VPS50: variants seen among roughly 807,000 people sequenced by gnomAD.
VPS50 encodes the protein VPS50 subunit of EARP/GARPII complex.
A neutral mutation model predicts 139.7 loss-of-function variants in VPS50; 70 were observed. The ratio of observed to expected loss-of-function variants is 0.50; its 90% CI spans 0.41 to 0.61. The LOEUF (loss-of-function observed/expected upper bound fraction) is 0.61, where lower values mean the gene tolerates loss of function less well. VPS50 is among the 20% of genes least tolerant of loss of function. The pLI is 0.00. For synonymous variants in VPS50, 365 were observed against 376.7 expected, an observed-to-expected ratio of 0.97 and a Z score of 0.36; for missense variants, 921 against 1,133.7, an observed-to-expected ratio of 0.81 and a Z score of 2.69.
chr7:93,326,049 A>G (rs895792240), intron 21 of VPS50, among the ~76,000 whole-genome samples: 4 of 152,180 alleles, frequency 2.6e-5, no homozygotes, highest in Non-Finnish European at 4.4e-5. Context: ...AACCAAGCCA[A>G]ATGTCCAACA....
chr7:93,350,217 G>A (rs1004392611), intron 25 of VPS50, among the ~76,000 whole-genome samples, 184 bp downstream of exon 25: 7 of 152,092 alleles, frequency 4.6e-5, no homozygotes, highest in Non-Finnish European at 8.8e-5. Flanking sequence ...CTAAGAATAC[G>A]TCGTAGATTT....
chr7:93,271,422 A>G (rs1323638671), intron 10 of VPS50, among the ~76,000 whole-genome samples, 160 bp downstream of exon 10: 2 of 151,810 alleles, frequency 1.3e-5, no homozygotes, highest in Non-Finnish European at 3.0e-5. Context: ...TGGTCAAGTT[A>G]GTGTAAAAAT....
chr7:93,271,674 T>G (rs138396452), intron 10 of VPS50, among the ~76,000 whole-genome samples: 2 of 151,882 alleles, frequency 1.3e-5, no homozygotes, highest in African/African-American at 4.8e-5. Flanking sequence ...CTCATAATGA[T>G]ACTCACATAG....
At chr7:93,344,438 C>G (rs1390111912) in intron 23 of VPS50, among the ~76,000 whole-genome samples, 3 of 152,152 alleles carry the variant, frequency 2.0e-5, no homozygotes, top group African/African-American at 7.2e-5. Context: ...AGAAAGTTAA[C>G]AAGGATACCC....
intron 9 of VPS50, among the ~76,000 whole-genome samples, chr7:93,265,445 C>T (rs2116862932): frequency 6.6e-6 from 1 of 152,296 alleles, no homozygotes. Context: ...AGACTGCCAG[C>T]TGGATTTGGC....
At chr7:93,297,308 T>G in intron 16 of VPS50, 65 bp downstream of exon 16, 2 of 1,366,320 alleles carry the variant, frequency 1.5e-6, no homozygotes, top group Non-Finnish European at 1.9e-6. Flanking sequence ...GTCTAATACT[T>G]AATCTTATAG....
intron 2 of VPS50, among the ~76,000 whole-genome samples, chr7:93,243,977 A>G (rs1795073421): frequency 6.6e-6 from 1 of 151,738 alleles, no homozygotes; most frequent in South Asian, 2.1e-4. Flanking sequence ...AGTATTCTTT[A>G]ATGATAAGGG....
At chr7:93,324,993 T>C (rs1266050385) in intron 21 of VPS50, among the ~76,000 whole-genome samples, 7 of 151,954 alleles carry the variant, frequency 4.6e-5, no homozygotes, top group Non-Finnish European at 7.4e-5. Flanking sequence ...GCCAAGTCAA[T>C]CCTAAGCCAA....
Position 93,265,714 on chromosome 7 carries a change from G to A in VPS50, c.660-5506G>A, listed in dbSNP as rs1361493906. On this transcript the variant is annotated intron_variant, in intron 9 of 27. Transcript: ENST00000305866. ...TGAGTAGCTGGGACTACAGGCACAC[G>A]CCACTACACCCGGCTATTTTTTAAA... Among the ~76,000 whole-genome samples the A allele has an allele frequency of 3.3e-5, 5 of 151,978 alleles. No homozygotes were observed. The East Asian group carries it at 7.7e-4, about 23-fold the overall frequency.
chr7:93,326,008 T>G (rs2117027416), intron 21 of VPS50, among the ~76,000 whole-genome samples: 1 of 152,052 alleles, frequency 6.6e-6, no homozygotes, highest in Admixed American at 6.6e-5. Flanking sequence ...GTATGTTTAT[T>G]GTGGCACTAT....
chr7:93,352,450 AGAG>A (rs1377806155), intron 25 of VPS50, among the ~76,000 whole-genome samples: 1 of 152,240 alleles, frequency 6.6e-6, no homozygotes, highest in Non-Finnish European at 1.5e-5. Context: ...GCAAAAGAGC[AGAG>A]GATAACACAG....
At chr7:93,258,881 G>A (rs973032057) in intron 8 of VPS50, among the ~76,000 whole-genome samples, 2 of 151,858 alleles carry the variant, frequency 1.3e-5, no homozygotes, top group Non-Finnish European at 2.9e-5. Flanking sequence ...AGCTCCTTGG[G>A]GTAGGTACTT....
intron 18 of VPS50, among the ~76,000 whole-genome samples, chr7:93,307,506 A>G (rs1014215962): frequency 6.6e-6 from 1 of 151,552 alleles, no homozygotes; most frequent in African/African-American, 2.4e-5. Flanking sequence ...TCAGCTGGGA[A>G]CATGCATGTT....
chr7:93,250,574 C>T (rs1184948193), intron 2 of VPS50, among the ~76,000 whole-genome samples: 1 of 151,992 alleles, frequency 6.6e-6, no homozygotes, highest in Admixed American at 6.6e-5. Context: ...AATGTAAGAC[C>T]TAAAACTATA....
intron 4 of VPS50, among the ~76,000 whole-genome samples, chr7:93,254,421 C>T (rs578059222): frequency 7.3e-4 from 111 of 152,258 alleles, no homozygotes; most frequent in Admixed American, 2.3e-3. Context: ...AGGCATGTGC[C>T]ACTAGTCTGG....
At chr7:93,328,963 G>A (rs1209473811) in intron 21 of VPS50, among the ~76,000 whole-genome samples, 1 of 152,114 alleles carries the variant, frequency 6.6e-6, no homozygotes, top group Non-Finnish European at 1.5e-5. Context: ...TGCTGCACAA[G>A]AGACAGTTTA....
At chr7:93,294,476 T>C (rs534283809) in intron 13 of VPS50, 69 bp from the exon 14 acceptor site, 8 of 1,341,576 alleles carry the variant, frequency 6.0e-6, no homozygotes, top group South Asian at 1.6e-5. Context: ...AGAGGCCAAA[T>C]AGAAATTATT....
At position 93,353,732 on chromosome 7, in the gene VPS50, A is replaced by G; in HGVS notation, c.2556A>G (p.Ile852Met). 6.2e-7 allele frequency: 1 copy of G among 1,611,086 alleles called. No individual in the cohort carries two copies. The highest frequency in any genetic ancestry group is 8.5e-7 in the Non-Finnish European group (1 of 1,178,310). Residue 852 changes from isoleucine (I) to methionine (M), a missense_variant, in exon 26 of 28, where the codon ATA becomes ATG. Ile to Met is a conservative substitution (Grantham distance 10). Coordinates refer to ENST00000305866, the MANE Select transcript of VPS50 (RefSeq NM_017667.4). ...PVSNILWEHC[I>M]RLANRTIVEG... ...CTAATATACTTTGGGAACATTGTAT[A>G]CGATTGGCTAATCGAACTATTGTAG...
At chr7:93,280,056 A>T (rs1796276615) in intron 12 of VPS50, among the ~76,000 whole-genome samples, 1 of 152,128 alleles carries the variant, frequency 6.6e-6, no homozygotes, top group South Asian at 2.1e-4. Context: ...TTACTCTGGT[A>T]TACAGAACCT....
Sources: allele counts gnomAD v4.1 joint callset (sites outside exome capture counted in the v4.1 genomes callset), GRCh38; gene constraint gnomAD v4.1.1; transcripts MANE v1.5; gene names NCBI Gene and HGNC (gene_info 2026-07-23, HGNC 2026-07-21).